MIA2: variants seen among roughly 807,000 people sequenced by gnomAD.
MIA2 encodes the protein melanoma inhibitory activity protein 2.
In MIA2, 127 loss-of-function variants were observed where a neutral mutation model predicts 167.8. The ratio of observed to expected loss-of-function variants is 0.76; its 90% CI spans 0.66 to 0.88. MIA2 has a LOEUF of 0.88. Among genes scored for constraint, MIA2 ranks in the 40% least tolerant of loss-of-function variants. The probability of loss-of-function intolerance (pLI) is 0.00; values close to 1 mark genes in which losing one functional copy is unlikely to be tolerated. For missense variants in MIA2, 1,690 were observed against 1,624.7 expected (o/e 1.04, Z -0.69); for synonymous variants, 552 against 541.9 (o/e 1.02, Z -0.26).
At chr14:39,294,150 A>G in intron 12 of MIA2, 79 bp downstream of exon 12, 1 of 1,033,722 alleles carries the variant, frequency 9.7e-7, no homozygotes, top group Non-Finnish European at 1.4e-6. Context: ...GAAATAAGAC[A>G]CAATAGTAGG....
intron 13 of MIA2, among the ~76,000 whole-genome samples, chr14:39,297,388 G>T (rs1162549951): frequency 6.6e-6 from 1 of 152,136 alleles, no homozygotes; most frequent in Non-Finnish European, 1.5e-5. Flanking sequence ...CACCACGCCT[G>T]GCCAGGTTAG....
chr14:39,267,488 C>T, intron 6 of MIA2: 1 of 1,613,474 alleles, frequency 6.2e-7, no homozygotes, highest in Non-Finnish European at 8.5e-7. Context: ...ACCCCTCAAC[C>T]GTATTTGGGG....
At chr14:39,369,467 A>G (rs556487379) in intron 23 of MIA2, among the ~76,000 whole-genome samples, 1 of 152,234 alleles carries the variant, frequency 6.6e-6, no homozygotes, top group Non-Finnish European at 1.5e-5. Flanking sequence ...AATTCTGTGT[A>G]TAGTATAGGG....
At chr14:39,244,015 C>T (rs1454134106) in intron 3 of MIA2, among the ~76,000 whole-genome samples, 1 of 152,196 alleles carries the variant, frequency 6.6e-6, no homozygotes. Context: ...AGTGGGGGAA[C>T]CCAGAAAAGC....
At chr14:39,278,113 A>G (rs1335811738) in intron 7 of MIA2, among the ~76,000 whole-genome samples, 1 of 151,882 alleles carries the variant, frequency 6.6e-6, no homozygotes, top group African/African-American at 2.4e-5. Context: ...AGCTGGGACT[A>G]CAGGCGTGCA....
At chr14:39,317,015 G>A (rs929739030) in intron 21 of MIA2, among the ~76,000 whole-genome samples, 3 of 152,140 alleles carry the variant, frequency 2.0e-5, no homozygotes, top group Non-Finnish European at 4.4e-5. Context: ...AGTCTTCTAA[G>A]GTAGATAAAG....
chr14:39,277,185 G>GTTGTTGT, intron 7 of MIA2, 120 bp downstream of exon 7: 3 of 1,326,484 alleles, frequency 2.3e-6, no homozygotes, highest in Non-Finnish European at 3.0e-6. Context: ...GGATTCAGAG[G>GTTGTTGT]TTTTTGTTTT....
At chr14:39,277,221 A>G (rs2058129462) in intron 7 of MIA2, among the ~76,000 whole-genome samples, 156 bp downstream of exon 7, 1 of 151,792 alleles carries the variant, frequency 6.6e-6, no homozygotes, top group South Asian at 2.1e-4. Flanking sequence ...TTTAAAAGAG[A>G]TGAGGGTCAG....
intron 21 of MIA2, among the ~76,000 whole-genome samples, chr14:39,317,500 G>C (rs1477204367): frequency 6.6e-6 from 1 of 152,152 alleles, no homozygotes; most frequent in Non-Finnish European, 1.5e-5. Flanking sequence ...CTGAACGTTT[G>C]ACCCCAGGGT....
At chr14:39,308,238 G>A (rs2063673868) in intron 17 of MIA2, among the ~76,000 whole-genome samples, 1 of 152,014 alleles carries the variant, frequency 6.6e-6, no homozygotes, top group Non-Finnish European at 1.5e-5. Flanking sequence ...ATATCACACT[G>A]TACCACATAA....
At chr14:39,325,981 T>C (rs1049810174) in intron 24 of MIA2, among the ~76,000 whole-genome samples, 6 of 152,214 alleles carry the variant, frequency 3.9e-5, no homozygotes, top group African/African-American at 7.2e-5. Flanking sequence ...CCCAAAGTGC[T>C]GGGATTACAG....
At chr14:39,267,028 T>G in intron 6 of MIA2, 1 of 1,006,886 alleles carries the variant, frequency 9.9e-7, no homozygotes, top group Non-Finnish European at 1.2e-6. Flanking sequence ...CAGGGCTGGG[T>G]GGCTTCGCCA....
intron 23 of MIA2, among the ~76,000 whole-genome samples, chr14:39,365,336 A>G (rs1371581563): frequency 1.3e-5 from 2 of 152,174 alleles, no homozygotes; most frequent in Admixed American, 6.5e-5. Flanking sequence ...AAAGTGGTAC[A>G]GGCATGAGCC....
At chr14:39,381,685 C>CTTTTTCT (rs1567062854) in intron 23 of MIA2, among the ~76,000 whole-genome samples, 2 of 144,288 alleles carry the variant, frequency 1.4e-5, no homozygotes, top group Non-Finnish European at 3.0e-5. Context: ...TTTTCTTTTT[C>CTTTTTCT]TTTTTTTTCC....
intron 27 of MIA2, 70 bp downstream of exon 27, chr14:39,347,841 T>TTTA (rs1555415292): frequency 1.8e-6 from 2 of 1,105,356 alleles, no homozygotes; most frequent in South Asian, 3.0e-5. Flanking sequence ...TTTTTTTTTT[T>TTTA]ATGGAGTTTC....
downstream of MIA2, among the ~76,000 whole-genome samples, chr14:39,354,638 G>A (rs916062276): frequency 9.2e-5 from 14 of 152,168 alleles, no homozygotes; most frequent in African/African-American, 3.1e-4. Flanking sequence ...CCTTGCCCAT[G>A]CCTATGTCCT....
chr14:39,279,282 ATTTACTTGAGAGCGTATTTGT>A, intron 7 of MIA2, 34 bp from the exon 8 acceptor site: 1 of 1,494,430 alleles, frequency 6.7e-7, no homozygotes, highest in Non-Finnish European at 9.2e-7. Flanking sequence ...AAATGAATTG[ATTTACTTGAGAGCGTATTTGT>A]TTTAATGTAA....
At chr14:39,356,223 G>A (rs566484683), downstream of MIA2, among the ~76,000 whole-genome samples, 7 of 152,124 alleles carry the variant, frequency 4.6e-5, no homozygotes, top group East Asian at 7.7e-4. Context: ...TATTGCCTCA[G>A]TTTCAGAGCC....
At chr14:39,295,156 C>G in intron 13 of MIA2, 127 bp downstream of exon 13, 1 of 691,314 alleles carries the variant, frequency 1.4e-6, no homozygotes, top group South Asian at 1.6e-5. Context: ...GCAGGACAGT[C>G]TCCCATACAT....
Sources: gnomAD v4.1 joint callset for allele counts (sites outside exome capture counted in the v4.1 genomes callset) on GRCh38, gnomAD v4.1.1 for gene constraint, MANE v1.5 for transcripts, NCBI Gene and HGNC (gene_info 2026-07-23, HGNC 2026-07-21) for gene names.